Variants in KCNQ1OT1 observed in about 807,000 individuals in gnomAD.
KCNQ1OT1 encodes the protein KCNQ1 opposite strand/antisense transcript 1.
exon 1 of KCNQ1OT1, chr11:2,672,473 G>T: frequency 2.5e-6 from 1 of 398,612 alleles, no homozygotes; most frequent in Non-Finnish European, 4.4e-6. Context: ...CTTCCCTAAG[G>T]TCCCCACATT....
chr11:2,631,730 T>C, exon 1 of KCNQ1OT1: 1 of 398,612 alleles, frequency 2.5e-6, no homozygotes, highest in South Asian at 1.3e-4. Flanking sequence ...CAGATGAGGA[T>C]ATAATGGAAT....
At position 2,674,742 on chromosome 11, in the gene KCNQ1OT1, C is replaced by A; in HGVS notation, n.25253G>T. 1 of 397,932 alleles carries A rather than the reference C, an allele frequency of 2.5e-6. No individual in the cohort carries two copies. Among genetic ancestry groups the A allele is most frequent in the South Asian group, 1.3e-4 (1 of 7,798 alleles). 24.7% of individuals were successfully genotyped at this position (397,932 alleles called of 1,614,324 possible). A position where few individuals can be genotyped will look rare whatever the true frequency, so the allele number is the denominator to read the frequency against. On this transcript the variant is annotated non_coding_transcript_exon_variant, in exon 1 of 1. Coordinates refer to ENST00000597346, the Ensembl canonical transcript of KCNQ1OT1. This position sits in a 1 kb window ranked among gnomAD's most constrained non-coding sequence, Gnocchi z 5.9. Reference sequence around the variant, plus strand: ...CTGAACTTAACTCGTTAAAGTTGCTCCAATCCCAGCCCAGTGCCAGACCAG... The same window carrying A: ...CTGAACTTAACTCGTTAAAGTTGCTACAATCCCAGCCCAGTGCCAGACCAG...
chr11:2,647,772 G>T lies in KCNQ1OT1; in HGVS notation n.52223C>A. On this transcript the variant is annotated non_coding_transcript_exon_variant, in exon 1 of 1. Coordinates refer to ENST00000597346, the Ensembl canonical transcript of KCNQ1OT1. The surrounding 1 kb of genome is among the most constrained non-coding windows in gnomAD (Gnocchi z 4.0). Reference sequence around the variant, plus strand: ...TCTCTTTCCTCTAGGTTTTCTAATTGTTGACATATAGTTGTTCATAATGGT... The same window carrying T: ...TCTCTTTCCTCTAGGTTTTCTAATTTTTGACATATAGTTGTTCATAATGGT... The T allele has an allele frequency of 2.5e-6, 1 of 398,236 alleles. No individual in the cohort carries two copies. The highest frequency in any genetic ancestry group is 4.4e-6 in the Non-Finnish European group (1 of 226,002). The allele number at this position is 398,236 out of a possible 1,614,324, so 24.7% of individuals were successfully genotyped here. A position where few individuals can be genotyped will look rare whatever the true frequency, so the allele number is the denominator to read the frequency against.
In KCNQ1OT1 at chr11:2,654,549, A is replaced by C; in HGVS notation, n.45446T>G. On this transcript the variant is annotated non_coding_transcript_exon_variant, in exon 1 of 1. Transcript: ENST00000597346. The surrounding 1 kb of genome is among the most constrained non-coding windows in gnomAD (Gnocchi z 6.4). ...GAAGAGGGCTTGGGTTACACCTGGG[A>C]GATTAGGCCGGATTTTAATCAATCA... The C allele has an allele frequency of 2.5e-6, 1 of 398,402 alleles. No individual in the cohort carries two copies. Among genetic ancestry groups the C allele is most frequent in the East Asian group, 3.6e-5 (1 of 28,058 alleles). The allele number at this position is 398,402 out of a possible 1,614,324, so 24.7% of individuals were successfully genotyped here.
At chr11:2,693,780 C>A (rs1194554554) in exon 1 of KCNQ1OT1, 1 of 398,644 alleles carries the variant, frequency 2.5e-6, no homozygotes, top group Non-Finnish European at 4.4e-6. Flanking sequence ...CTGGGGCCGG[C>A]CAGTTCAGAG....
chr11:2,680,698 C>T (rs1850381950), exon 1 of KCNQ1OT1: 1 of 398,376 alleles, frequency 2.5e-6, no homozygotes, highest in Non-Finnish European at 4.4e-6. Flanking sequence ...CCTCATGTCC[C>T]CCTTTTATAG....
At position 2,682,471 on chromosome 11, in the gene KCNQ1OT1, T is replaced by C. The variant is rs959167283; in HGVS notation, n.17524A>G. The C allele has an allele frequency of 4.1e-5, 16 of 388,966 alleles. No individual in the cohort carries two copies. The highest frequency in any genetic ancestry group is 2.7e-4 in the African/African-American group (12 of 44,034). The allele number at this position is 388,966 out of a possible 1,614,324, so 24.1% of individuals were successfully genotyped here. A position where few individuals can be genotyped will look rare whatever the true frequency, so the allele number is the denominator to read the frequency against. On this transcript the variant is annotated non_coding_transcript_exon_variant, in exon 1 of 1. Coordinates refer to ENST00000597346, the Ensembl canonical transcript of KCNQ1OT1. This position sits in a 1 kb window ranked among gnomAD's most constrained non-coding sequence, Gnocchi z 5.8. ...CCTGTCACGGACCCTCAGTGAATGT[T>C]TGACGAGTGAGTGAGTGAGTGAGTG... is the stretch of plus-strand genomic sequence containing the variant.
rs1325861939 is a variant in KCNQ1OT1, at chr11:2,627,343, C to T, written n.72652G>A. On this transcript the variant is annotated non_coding_transcript_exon_variant, in exon 1 of 1. Coordinates refer to ENST00000597346, the Ensembl canonical transcript of KCNQ1OT1. The surrounding 1 kb of genome is among the most constrained non-coding windows in gnomAD (Gnocchi z 4.9). ...GGTCAGAATACCTAAGCTATACTCTCTTAGCAAATTCCAAGTATAGAATAT... is the reference window on the plus strand; with the variant it reads ...GGTCAGAATACCTAAGCTATACTCTTTTAGCAAATTCCAAGTATAGAATAT... 7.5e-6 allele frequency: 3 copies of T among 398,414 alleles called. No homozygotes were observed. The highest frequency in any genetic ancestry group is 1.3e-5 in the Non-Finnish European group (3 of 226,054). The allele number at this position is 398,414 out of a possible 1,614,324, so 24.7% of individuals were successfully genotyped here.
At chr11:2,667,315 C>T (rs1850094834) in exon 1 of KCNQ1OT1, 2 of 398,508 alleles carry the variant, frequency 5.0e-6, no homozygotes, top group Non-Finnish European at 8.8e-6. Context: ...AGGTGGATGG[C>T]CCAGAAGAAA....
chr11:2,690,024 G>T lies in KCNQ1OT1; in HGVS notation n.9971C>A. 2.5e-6 allele frequency: 1 copy of T among 398,926 alleles called. No individual in the cohort carries two copies. The highest frequency in any genetic ancestry group is 4.4e-6 in the Non-Finnish European group (1 of 226,316). 24.7% of individuals were successfully genotyped at this position (398,926 alleles called of 1,614,324 possible). ...AACTGTTGAGGAAGGTGAGCCTTCC[G>T]AGGGCCAGCCCTGCCTCTCCTCCCC... On this transcript the variant is annotated non_coding_transcript_exon_variant, in exon 1 of 1. Transcript: ENST00000597346. The surrounding 1 kb of genome is among the most constrained non-coding windows in gnomAD (Gnocchi z 5.1).
exon 1 of KCNQ1OT1, chr11:2,640,070 G>C (rs962133110): frequency 3.2e-5 from 7 of 216,976 alleles, no homozygotes; most frequent in Admixed American, 1.2e-4. Context: ...ACAGTATTAG[G>C]GTGGGAGTGA....
At chr11:2,688,239 G>C (rs926917875) in exon 1 of KCNQ1OT1, 1 of 398,660 alleles carries the variant, frequency 2.5e-6, no homozygotes, top group East Asian at 3.6e-5. Context: ...ACTCATACAG[G>C]GCTGTTTGAT....
At chr11:2,641,394 C>CT (rs149997993) in exon 1 of KCNQ1OT1, 4,570 of 383,242 alleles carry the variant, frequency 0.012, 118 homozygotes, top group African/African-American at 0.07. Flanking sequence ...TGATGTTGGG[C>CT]TTTTTTTTTT....
At position 2,620,005 on chromosome 11, in the gene KCNQ1OT1, C is replaced by G; in HGVS notation, n.79990G>C. The G allele has an allele frequency of 2.5e-6, 1 of 397,924 alleles. No homozygotes were observed. Among genetic ancestry groups the G allele is most frequent in the Non-Finnish European group, 4.4e-6 (1 of 226,046 alleles). 24.6% of individuals were successfully genotyped at this position (397,924 alleles called of 1,614,324 possible). A position where few individuals can be genotyped will look rare whatever the true frequency, so the allele number is the denominator to read the frequency against. ...TAGTACCCAATAGGTAGGTTTTCAGCCCACCTCTCCATTCCTCCCCCAAGT... is the reference window on the plus strand; with the variant it reads ...TAGTACCCAATAGGTAGGTTTTCAGGCCACCTCTCCATTCCTCCCCCAAGT... On this transcript the variant is annotated non_coding_transcript_exon_variant, in exon 1 of 1. Transcript: ENST00000597346. This position sits in a 1 kb window ranked among gnomAD's most constrained non-coding sequence, Gnocchi z 4.5.
At chr11:2,619,189 T>C (rs7944966) in exon 1 of KCNQ1OT1, 323,690 of 398,360 alleles carry the variant, frequency 0.81, 132,652 homozygotes, top group East Asian at 1. Flanking sequence ...TCTGTTTGGT[T>C]GTACTAGTAC....
chr11:2,661,764 T>A lies in KCNQ1OT1; in HGVS notation n.38231A>T, dbSNP rs1214613939. The A allele has an allele frequency of 9.2e-6, 6 of 650,418 alleles. No homozygotes were observed. Among genetic ancestry groups the A allele is most frequent in the Non-Finnish European group, 1.7e-5 (6 of 362,806 alleles). The allele number at this position is 650,418 out of a possible 1,614,324, so 40.3% of individuals were successfully genotyped here. ...ACTGGCCTTTATTCTCCTCAGACAC[T>A]GAGGTGTCAGGCACTTTGGGGCCAT... On this transcript the variant is annotated non_coding_transcript_exon_variant, in exon 1 of 1. Coordinates refer to ENST00000597346, the Ensembl canonical transcript of KCNQ1OT1. This position sits in a 1 kb window ranked among gnomAD's most constrained non-coding sequence, Gnocchi z 5.9.
chr11:2,628,704 G>A (rs2133813235), exon 1 of KCNQ1OT1: 1 of 398,300 alleles, frequency 2.5e-6, no homozygotes, highest in Non-Finnish European at 4.4e-6. Context: ...CTAAAAAATT[G>A]TCACAAAAAC....
Position 2,657,457 on chromosome 11 carries a change from T to C in KCNQ1OT1, n.42538A>G, listed in dbSNP as rs1849870201. The C allele has an allele frequency of 5.0e-6, 2 of 398,486 alleles. No homozygotes were observed. Among genetic ancestry groups the C allele is most frequent in the South Asian group, 1.3e-4 (1 of 7,868 alleles). The allele number at this position is 398,486 out of a possible 1,614,324, so 24.7% of individuals were successfully genotyped here. A position where few individuals can be genotyped will look rare whatever the true frequency, so the allele number is the denominator to read the frequency against. On this transcript the variant is annotated non_coding_transcript_exon_variant, in exon 1 of 1. Transcript: ENST00000597346. The surrounding 1 kb of genome is among the most constrained non-coding windows in gnomAD (Gnocchi z 4.8). ...GATAATTAATATTCTTTTGTGCTATTGTATACAGGTTCTGTTTTCTCTTGT... is the reference window on the plus strand; with the variant it reads ...GATAATTAATATTCTTTTGTGCTATCGTATACAGGTTCTGTTTTCTCTTGT...
Position 2,659,655 on chromosome 11 carries a change from T to C in KCNQ1OT1, n.40340A>G. On this transcript the variant is annotated non_coding_transcript_exon_variant, in exon 1 of 1. Coordinates refer to ENST00000597346, the Ensembl canonical transcript of KCNQ1OT1. This position sits in a 1 kb window ranked among gnomAD's most constrained non-coding sequence, Gnocchi z 4.3. The stretch of plus-strand genomic sequence containing the variant: ...GTCATGTGGTATGTGTATGTTTAAC[T>C]TAATAAGAAATTGCTAAACTATTTC... 2.5e-6 allele frequency: 1 copy of C among 398,552 alleles called. No homozygotes were observed. The allele number at this position is 398,552 out of a possible 1,614,324, so 24.7% of individuals were successfully genotyped here. A position where few individuals can be genotyped will look rare whatever the true frequency, so the allele number is the denominator to read the frequency against.
Sources: allele counts gnomAD v4.1 joint callset, GRCh38; gene constraint gnomAD v4.1.1; non-coding constraint Gnocchi (gnomAD v3.1); transcripts MANE v1.5; gene names NCBI Gene and HGNC (gene_info 2026-07-23, HGNC 2026-07-21).